The following MORC3 variants were observed in gnomAD, a reference collection of about 807,000 sequenced individuals.
MORC3 encodes MORC family CW-type zinc finger 3, also known as MORC family CW-type zinc finger protein 3.
Under a neutral mutation model 109.1 loss-of-function variants are expected in MORC3, and 31 were observed. That is an observed-to-expected ratio of 0.28 (90% CI 0.21 to 0.38). The LOEUF is 0.38. MORC3 is among the 10% of genes least tolerant of loss of function. MORC3 has a pLI of 1.00. For synonymous variants in MORC3, 395 were observed against 380.7 expected (o/e 1.04, Z -0.44); for missense variants, 867 against 1,135.8 (o/e 0.76, Z 3.40).
chr21:36,336,083 G>A (rs1285122597), intron 2 of MORC3, among the ~76,000 whole-genome samples: 1 of 149,220 alleles, frequency 6.7e-6, no homozygotes, highest in African/African-American at 2.5e-5. Context: ...CCGCCACCAT[G>A]CCTGGCTAAT....
At chr21:36,328,892 G>C (rs576889571) in intron 1 of MORC3, among the ~76,000 whole-genome samples, 1 of 136,596 alleles carries the variant, frequency 7.3e-6, no homozygotes, top group Non-Finnish European at 1.5e-5. Flanking sequence ...ATATACTAAC[G>C]ATAGCTGATG....
In MORC3 at chr21:36,320,325, A is replaced by G. The variant is rs773374184; in HGVS notation, c.39+22A>G. The G allele has an allele frequency of 8.9e-6, 13 of 1,457,972 alleles. No homozygotes were observed. In the Admixed American group the frequency reaches 1.1e-4, roughly 13 times the overall value. The allele number at this position is 1,457,972 out of a possible 1,614,324, so 90.3% of individuals were successfully genotyped here. A position where few individuals can be genotyped will look rare whatever the true frequency, so the allele number is the denominator to read the frequency against. ...CGCGGTGAGCAGCCGCGAGGGGTGG[A>G]GCGGGCCGTGTCCCAGGAGGGCGGG... On this transcript the variant is annotated intron_variant, in intron 1 of 16. Transcript: ENST00000400485.
At chr21:36,352,729 C>G (rs2085587212) in intron 9 of MORC3, among the ~76,000 whole-genome samples, 2 of 152,130 alleles carry the variant, frequency 1.3e-5, no homozygotes, top group Admixed American at 1.3e-4. Flanking sequence ...GGGGGACTGA[C>G]TACCCCTCAG....
intron 15 of MORC3, among the ~76,000 whole-genome samples, chr21:36,370,655 T>TC (rs2085853032): frequency 8.7e-6 from 1 of 115,246 alleles, no homozygotes; most frequent in African/African-American, 3.4e-5. Context: ...TTTTTTTTTT[T>TC]TTTTTTTTTT....
chr21:36,320,886 T>C (rs189728076), intron 1 of MORC3, among the ~76,000 whole-genome samples: 2 of 152,374 alleles, frequency 1.3e-5, no homozygotes, highest in East Asian at 1.9e-4. Flanking sequence ...GCGTTGCGTC[T>C]GTTTTGGGGC....
chr21:36,340,264 C>T (rs1185574597), intron 5 of MORC3, among the ~76,000 whole-genome samples: 6 of 142,842 alleles, frequency 4.2e-5, no homozygotes, highest in African/African-American at 1.1e-4. Context: ...GGCGAAAGAG[C>T]GAGACTCTGT....
At chr21:36,364,426 A>C (rs2085754973) in intron 14 of MORC3, among the ~76,000 whole-genome samples, 167 bp downstream of exon 14, 1 of 152,216 alleles carries the variant, frequency 6.6e-6, no homozygotes, top group South Asian at 2.1e-4. Flanking sequence ...TTATTGTCTA[A>C]ACTTAGGCTA....
intron 6 of MORC3, among the ~76,000 whole-genome samples, chr21:36,342,944 G>A (rs546205047): frequency 1.1e-4 from 17 of 150,868 alleles, no homozygotes; most frequent in East Asian, 8.5e-4. Context: ...CCTTGAACCC[G>A]GCAGGCAGAG....
At chr21:36,342,328 A>T (rs2085459012) in intron 6 of MORC3, among the ~76,000 whole-genome samples, 1 of 152,194 alleles carries the variant, frequency 6.6e-6, no homozygotes. Flanking sequence ...TAGTTAGATA[A>T]GGTACATTAA....
Position 36,375,352 on chromosome 21 carries a change from C to A in MORC3, c.*56C>A. ...TCAATTCTTTTGGTTGTACAGCTTT[C>A]AAAATATAATTAATTTTGTTTTATA... On this transcript the variant is annotated 3_prime_UTR_variant, in exon 17 of 17. Transcript: ENST00000400485. 2 of 1,460,026 alleles carry A rather than the reference C, an allele frequency of 1.4e-6. No homozygotes were observed. Among genetic ancestry groups the A allele is most frequent in the East Asian group, 2.3e-5 (1 of 43,064 alleles). 90.4% of individuals were successfully genotyped at this position (1,460,026 alleles called of 1,614,324 possible).
Position 36,341,525 on chromosome 21 carries a change from T to G in MORC3, c.735T>G (p.Pro245=). The G allele has an allele frequency of 6.2e-7, 1 of 1,613,858 alleles. No individual in the cohort carries two copies. Among genetic ancestry groups the G allele is most frequent in the South Asian group, 1.1e-5 (1 of 90,964 alleles). Residue 245 remains proline, a synonymous_variant, in exon 6 of 17, where the codon CCT becomes CCG. Transcript: ENST00000400485. ...AGGAAAGGATGGACCAGATTGCCCC[T>G]GAGAGTGACTATTCCCTGAGGGTAT... ...KKQERMDQIA[P]ESDYSLRAYC...
At chr21:36,365,025 C>A (rs1443719504) in intron 14 of MORC3, among the ~76,000 whole-genome samples, 2 of 123,150 alleles carry the variant, frequency 1.6e-5, no homozygotes, top group Non-Finnish European at 3.1e-5. Flanking sequence ...GCACTCCAGC[C>A]TGGGTGACAG....
At chr21:36,363,287 A>G (rs910895479) in intron 13 of MORC3, among the ~76,000 whole-genome samples, 6 of 152,106 alleles carry the variant, frequency 3.9e-5, no homozygotes, top group Admixed American at 6.6e-5. Context: ...GGTGGCAGGC[A>G]CTTGTAATTC....
At chr21:36,329,016 G>A (rs2085282584) in intron 1 of MORC3, among the ~76,000 whole-genome samples, 1 of 152,116 alleles carries the variant, frequency 6.6e-6, no homozygotes, top group Admixed American at 6.5e-5. Flanking sequence ...TTACAGGCCG[G>A]GCAGGGTGGC....
intron 16 of MORC3, among the ~76,000 whole-genome samples, chr21:36,373,717 A>G (rs979818915): frequency 2.6e-5 from 4 of 152,188 alleles, no homozygotes; most frequent in Admixed American, 2.6e-4. Flanking sequence ...CATGCTCAAA[A>G]TCACATTCTC....
At chr21:36,365,747 A>AT (rs2085773925) in intron 14 of MORC3, among the ~76,000 whole-genome samples, 1 of 151,886 alleles carries the variant, frequency 6.6e-6, no homozygotes, top group South Asian at 2.1e-4. Flanking sequence ...TGCCTGGCTA[A>AT]TTTTTTGTAT....
intron 16 of MORC3, among the ~76,000 whole-genome samples, chr21:36,372,743 A>G (rs2085884884): frequency 6.6e-6 from 1 of 152,182 alleles, no homozygotes; most frequent in African/African-American, 2.4e-5. Flanking sequence ...ATTTAAGTGG[A>G]ATAGGAATTT....
rs1330279051 is a variant in MORC3, at chr21:36,375,942, A to C, written c.*646A>C. ...AAACACAAAGTGTTTTTATAGAATG[A>C]AGAAACAGTCTTTAACAGAAAAAAG... On this transcript the variant is annotated 3_prime_UTR_variant, in exon 17 of 17. Coordinates refer to ENST00000400485, the MANE Select transcript of MORC3 (RefSeq NM_015358.3). 1 of 152,258 alleles carries C rather than the reference A, an allele frequency of 6.6e-6. No homozygotes were observed. Among genetic ancestry groups the C allele is most frequent in the Non-Finnish European group, 1.5e-5 (1 of 68,034 alleles). 9.4% of individuals were successfully genotyped at this position (152,258 alleles called of 1,614,324 possible).
At chr21:36,345,448 G>A (rs1314736096) in intron 8 of MORC3, among the ~76,000 whole-genome samples, 1 of 150,516 alleles carries the variant, frequency 6.6e-6, no homozygotes, top group Non-Finnish European at 1.5e-5. Flanking sequence ...TTGAGACAGA[G>A]CCTTGCTCTG....
Sources: gnomAD v4.1 joint callset for allele counts (sites outside exome capture counted in the v4.1 genomes callset) on GRCh38, gnomAD v4.1.1 for gene constraint, MANE v1.5 for transcripts, NCBI Gene and HGNC (gene_info 2026-07-23, HGNC 2026-07-21) for gene names.